Variants in TATDN2 observed in about 807,000 individuals in gnomAD.
TATDN2 encodes the protein TatD DNase domain containing 2.
In TATDN2, 44 loss-of-function variants were observed where a neutral mutation model predicts 60.3. That is an observed-to-expected ratio of 0.73 (90% CI 0.57 to 0.94). TATDN2 has a LOEUF of 0.94. Among genes scored for constraint, TATDN2 ranks in the 40% least tolerant of loss-of-function variants. The pLI, the probability that TATDN2 is intolerant of heterozygous loss-of-function variation, is 0.00. For synonymous variants in TATDN2, 399 were observed against 355.8 expected (o/e 1.12, Z -1.37); for missense variants, 997 against 948.0 (o/e 1.05, Z -0.68).
rs775567522 is a variant in TATDN2 at position 10,270,474 on chromosome 3, C to T, written c.1292C>T (p.Ser431Phe). 23 of 1,614,088 alleles carry T rather than the reference C, an allele frequency of 1.4e-5. No individual in the cohort carries two copies. The Admixed American group carries it at 3.8e-4, about 27-fold the overall frequency. Residue 431 changes from serine to phenylalanine, a missense_variant, in exon 4 of 8, where the codon TCC becomes TTC. By Grantham distance (155) the Ser-to-Phe change is radical. Coordinates refer to ENST00000448281, the MANE Select transcript of TATDN2 (RefSeq NM_014760.4). Reference sequence around the variant, plus strand: ...TCTACAGGGAGTGTCCAAAACACCTCCAGAGACATGGAGGCCTCAGAGGAA... The same window carrying T: ...TCTACAGGGAGTGTCCAAAACACCTTCAGAGACATGGAGGCCTCAGAGGAA... Reference protein sequence around the residue: ...PNSTGSVQNTSRDMEASEEGW... With the variant: ...PNSTGSVQNTFRDMEASEEGW...
Position 10,279,204 on chromosome 3 carries a change from T to C in TATDN2, c.*39-17T>C. 1 of 849,562 alleles carries C rather than the reference T, an allele frequency of 1.2e-6. No individual in the cohort carries two copies. The highest frequency in any genetic ancestry group is 1.8e-6 in the Non-Finnish European group (1 of 569,750). 52.6% of individuals were successfully genotyped at this position (849,562 alleles called of 1,614,324 possible). ...ACATGGTTTGGAACCTTCTTCTTTT[T>C]CTCTTCCACCCTCCAGGGCGACCAG... On this transcript the variant is annotated splice_polypyrimidine_tract_variant and intron_variant, in intron 7 of 7. Transcript: ENST00000448281.
At position 10,278,952 on chromosome 3, in the gene TATDN2, G is replaced by C. The variant is rs1698679483; in HGVS notation, c.2213G>C (p.Arg738Thr). Residue 738 changes from arginine (R) to threonine (T), a missense_variant, in exon 7 of 8, where the codon AGA becomes ACA. Transcript: ENST00000448281. This position sits in a 1 kb window ranked among gnomAD's most constrained non-coding sequence, Gnocchi z 4.7. ...TTGCATACGGTCCGAGAGATTGCCAGAGTCAAAGATCAGCCACTCTCCCTC... is the reference window on the plus strand; with the variant it reads ...TTGCATACGGTCCGAGAGATTGCCACAGTCAAAGATCAGCCACTCTCCCTC... ...LALHTVREIA[R>T]VKDQPLSLTL... 1 of 1,613,906 alleles carries C rather than the reference G, an allele frequency of 6.2e-7. No individual in the cohort carries two copies. The highest frequency in any genetic ancestry group is 1.7e-5 in the Admixed American group (1 of 59,942).
chr3:10,253,478 C>G (rs1263522301), intron 2 of TATDN2, among the ~76,000 whole-genome samples: 2 of 152,228 alleles, frequency 1.3e-5, no homozygotes, highest in Non-Finnish European at 2.9e-5. Flanking sequence ...CTTCTTACCT[C>G]CAGGACAGTT....
Position 10,278,137 on chromosome 3 carries a change from C to T in TATDN2, c.1962-142C>T. 1.0e-6 allele frequency: 1 copy of T among 971,030 alleles called. No homozygotes were observed. The highest frequency in any genetic ancestry group is 1.5e-6 in the Non-Finnish European group (1 of 649,672). The allele number at this position is 971,030 out of a possible 1,614,324, so 60.2% of individuals were successfully genotyped here. On this transcript the variant is annotated intron_variant, in intron 5 of 7. Coordinates refer to ENST00000448281, the MANE Select transcript of TATDN2 (RefSeq NM_014760.4). The surrounding 1 kb of genome is among the most constrained non-coding windows in gnomAD (Gnocchi z 4.7). ...TTCCTGTGTTGGAGCCAGCCCTTGT[C>T]TGTGTTTACTGTGGAGTCCTTCCCT...
In TATDN2 at chr3:10,278,501, A is replaced by G. The variant is rs1576018917; in HGVS notation, c.2145+39A>G. 6.4e-7 allele frequency: 1 copy of G among 1,551,400 alleles called. No individual in the cohort carries two copies. Among genetic ancestry groups the G allele is most frequent in the South Asian group, 1.1e-5 (1 of 89,404 alleles). On this transcript the variant is annotated intron_variant, in intron 6 of 7. Transcript: ENST00000448281. The surrounding 1 kb of genome is among the most constrained non-coding windows in gnomAD (Gnocchi z 4.7). ...CAGGCTGAGTGGAGGCACCGGAGGG[A>G]GAGGGTGGGGAGGTGGGTGGTCACC...
rs1228790304 is a variant in TATDN2, at chr3:10,249,318, CAG to C, written c.121_122del (p.Arg41ValfsTer38). 6.2e-7 allele frequency: 1 copy of C among 1,611,372 alleles called. No homozygotes were observed. Among genetic ancestry groups the C allele is most frequent in the Non-Finnish European group, 8.5e-7 (1 of 1,178,274 alleles). On this transcript the variant is annotated frameshift_variant, in exon 2 of 8. Transcript: ENST00000448281. LOFTEE classifies it high-confidence loss of function. Reference sequence around the variant, plus strand: ...TGTGGCCCCCTCCAGCCGGCCAGCTCAGAGGTCTGCGTCGCGTTCTGGAGGGC... The same window carrying C: ...TGTGGCCCCCTCCAGCCGGCCAGCTCAGGTCTGCGTCGCGTTCTGGAGGGC... Reference protein sequence around the residue: ...CDVAPSSRPAQRSASRSGGPS... With the variant: ...CDVAPSSRPAXRSASRSGGPS...
At chr3:10,252,277 G>C (rs1698243153) in intron 2 of TATDN2, among the ~76,000 whole-genome samples, 1 of 151,848 alleles carries the variant, frequency 6.6e-6, no homozygotes, top group Non-Finnish European at 1.5e-5. Flanking sequence ...TGGGATTAGA[G>C]GCATGAGCCA....
rs1474392891 is a variant in TATDN2 at position 10,280,684 on chromosome 3, G to A, written c.*1502G>A. On this transcript the variant is annotated 3_prime_UTR_variant, in exon 8 of 8. Coordinates refer to ENST00000448281, the MANE Select transcript of TATDN2 (RefSeq NM_014760.4). ...TCTTGCCCCTGGTACACAAGTCACTGGCCTGGAACTCAGCCTTGATTCACT... is the reference window on the plus strand; with the variant it reads ...TCTTGCCCCTGGTACACAAGTCACTAGCCTGGAACTCAGCCTTGATTCACT... 6.5e-6 allele frequency: 1 copy of A among 153,782 alleles called. No homozygotes were observed. 9.5% of individuals were successfully genotyped at this position (153,782 alleles called of 1,614,324 possible). A position where few individuals can be genotyped will look rare whatever the true frequency, so the allele number is the denominator to read the frequency against.
intron 3 of TATDN2, among the ~76,000 whole-genome samples, chr3:10,265,842 G>A (rs1213580438): frequency 1.3e-5 from 2 of 151,894 alleles, no homozygotes. Flanking sequence ...CAGGCCATCT[G>A]CACAGGGTGG....
At position 10,270,413 on chromosome 3, in the gene TATDN2, A is replaced by G. The variant is rs773166488; in HGVS notation, c.1231A>G (p.Ser411Gly). 4 of 1,614,086 alleles carry G rather than the reference A, an allele frequency of 2.5e-6. No individual in the cohort carries two copies. In the East Asian group the frequency reaches 8.9e-5, roughly 36 times the overall value. ...CAACGATGCAGCCCAGGTTGGGAAGAGCAGCCGGAGCCGCATGAGTGATTA... is the reference window on the plus strand; with the variant it reads ...CAACGATGCAGCCCAGGTTGGGAAGGGCAGCCGGAGCCGCATGAGTGATTA... The part of the protein sequence containing the change: ...SSNDAAQVGK[S>G]SRSRMSDYSP... Residue 411 changes from serine to glycine, a missense_variant, in exon 4 of 8, where the codon AGC (serine) becomes GGC (glycine). Physicochemically the swap from Ser to Gly is moderately conservative, Grantham distance 56. Transcript: ENST00000448281.
In TATDN2 at chr3:10,278,303, G is replaced by A. The variant is rs771673107; in HGVS notation, c.1986G>A (p.Pro662=). Reference sequence around the variant, plus strand: ...GGCATTGCTTCACCGGCAGCTACCCGGTCATTGAGCCCCTGCTGAAGTACT... The same window carrying A: ...GGCATTGCTTCACCGGCAGCTACCCAGTCATTGAGCCCCTGCTGAAGTACT... ...IHRHCFTGSY[P]VIEPLLKYFP... Residue 662 remains proline, a synonymous_variant, in exon 6 of 8, where the codon CCG becomes CCA. Transcript: ENST00000448281. This position sits in a 1 kb window ranked among gnomAD's most constrained non-coding sequence, Gnocchi z 4.7. 1.9e-6 allele frequency: 3 copies of A among 1,614,022 alleles called. No individual in the cohort carries two copies. Among genetic ancestry groups the A allele is most frequent in the Non-Finnish European group, 2.5e-6 (3 of 1,179,960 alleles).
At chr3:10,277,962 T>C (rs1698662971) in intron 5 of TATDN2, among the ~76,000 whole-genome samples, 1 of 152,126 alleles carries the variant, frequency 6.6e-6, no homozygotes, top group Non-Finnish European at 1.5e-5. Context: ...GGGGCCACAG[T>C]TGTTGATTTT....
chr3:10,249,992 A>T (rs761290936), intron 2 of TATDN2, among the ~76,000 whole-genome samples: 1 of 152,164 alleles, frequency 6.6e-6, no homozygotes, highest in Non-Finnish European at 1.5e-5. Context: ...CTGCAGTAGA[A>T]GGTGGATTAT....
chr3:10,264,094 T>A (rs1256925446), intron 3 of TATDN2, among the ~76,000 whole-genome samples: 1 of 152,124 alleles, frequency 6.6e-6, no homozygotes, highest in Non-Finnish European at 1.5e-5. Context: ...ATTCTAGAGA[T>A]CCTCTTGTTT....
intron 5 of TATDN2, 85 bp downstream of exon 5, chr3:10,276,573 C>T: frequency 1.4e-6 from 2 of 1,463,078 alleles, no homozygotes; most frequent in East Asian, 2.4e-5. Context: ...CGTATTCTGT[C>T]ATTATACACT....
intron 2 of TATDN2, among the ~76,000 whole-genome samples, 199 bp downstream of exon 2, chr3:10,249,813 T>C (rs1698194580): frequency 6.6e-6 from 1 of 152,110 alleles, no homozygotes. Context: ...AGTAGAGAGG[T>C]AATTTTCAAA....
At position 10,249,519 on chromosome 3, in the gene TATDN2, C is replaced by G; in HGVS notation, c.319C>G (p.Arg107Gly). Residue 107 changes from arginine (R) to glycine (G), a missense_variant, in exon 2 of 8, where the codon CGG becomes GGG. By Grantham distance (125) the Arg-to-Gly change is moderately radical (BLOSUM62 -2). Coordinates refer to ENST00000448281, the MANE Select transcript of TATDN2 (RefSeq NM_014760.4). Reference sequence around the variant, plus strand: ...CAAAGGCTGCCTGATTCGGAACACTCGGGGGTTCCTGTCTTCAGGGGGATC... The same window carrying G: ...CAAAGGCTGCCTGATTCGGAACACTGGGGGGTTCCTGTCTTCAGGGGGATC... The part of the protein sequence containing the change: ...ASKGCLIRNT[R>G]GFLSSGGSPL... 1.2e-6 allele frequency: 2 copies of G among 1,607,418 alleles called. No individual in the cohort carries two copies. The highest frequency in any genetic ancestry group is 1.7e-6 in the Non-Finnish European group (2 of 1,176,794).
At chr3:10,272,966 G>T (rs1698587258) in intron 4 of TATDN2, among the ~76,000 whole-genome samples, 1 of 131,202 alleles carries the variant, frequency 7.6e-6, no homozygotes, top group African/African-American at 2.9e-5. Context: ...TTGAGCCTGG[G>T]AGGTTGAGCT....
In TATDN2 at chr3:10,267,893, GA is replaced by G. The variant is rs1012965095; in HGVS notation, c.949-2230del. Among the ~76,000 whole-genome samples, 12 of 151,568 alleles carry G rather than the reference GA, an allele frequency of 7.9e-5. No homozygotes were observed. In the South Asian group the frequency reaches 1.3e-3, roughly 16 times the overall value. On this transcript the variant is annotated intron_variant, in intron 3 of 7. Transcript: ENST00000448281. ...ATGTTTCACTAGAAAATTCAGCAGG[GA>G]AAAAAAACAAAACAGAACACAAAAG...
Sources: gnomAD v4.1 joint callset for allele counts (sites outside exome capture counted in the v4.1 genomes callset) on GRCh38, gnomAD v4.1.1 for gene constraint, Gnocchi (gnomAD v3.1) non-coding constraint, MANE v1.5 for transcripts, NCBI Gene and HGNC (gene_info 2026-07-23, HGNC 2026-07-21) for gene names.